Variants in MMP15 observed in about 807,000 individuals in gnomAD.
MMP15 encodes the protein matrix metallopeptidase 15.
A neutral mutation model predicts 65.0 loss-of-function variants in MMP15; 36 were observed. The ratio of observed to expected loss-of-function variants is 0.55; its 90% CI spans 0.42 to 0.73. The LOEUF (loss-of-function observed/expected upper bound fraction) is 0.73, where lower values mean the gene tolerates loss of function less well. Among genes scored for constraint, MMP15 ranks in the 30% least tolerant of loss-of-function variants. MMP15 has a pLI of 0.00. For missense variants in MMP15, 870 were observed against 987.8 expected, an observed-to-expected ratio of 0.88 and a Z score of 1.60; for synonymous variants, 428 against 410.2, an observed-to-expected ratio of 1.04 and a Z score of -0.52.
Position 58,037,487 on chromosome 16 carries a change from T to A in MMP15, c.178T>A (p.Tyr60Asn). Residue 60 changes from tyrosine to asparagine, a missense_variant, in exon 2 of 10, where the codon TAT becomes AAT. Physicochemically the swap from Tyr to Asn is moderately radical, Grantham distance 143 (BLOSUM62 -2). Transcript: ENST00000219271. ...TTCTTTGCAGAACTGGCTGCGGCTT[T>A]ATGGCTACCTGCCTCAGCCCAGCCG... ...EVHAENWLRL[Y>N]GYLPQPSRHM... is the part of the protein sequence containing the mutation. 1 of 1,613,278 alleles carries A rather than the reference T, an allele frequency of 6.2e-7. No individual in the cohort carries two copies. Among genetic ancestry groups the A allele is most frequent in the Non-Finnish European group, 8.5e-7 (1 of 1,179,890 alleles).
In MMP15 at chr16:58,042,231, G is replaced by A. The variant is rs577467217; in HGVS notation, c.1165G>A (p.Gly389Ser). 3 of 1,612,984 alleles carry A rather than the reference G, an allele frequency of 1.9e-6. No homozygotes were observed. The African/African-American group carries it at 4.0e-5, about 22-fold the overall frequency. ...MLRGEMFVFKGRWFWRVRHNR... is the reference protein window; with the variant it reads ...MLRGEMFVFKSRWFWRVRHNR... ...CCCGCTCACACTATGCCCTCCCCAG[G>A]GCCGCTGGTTCTGGCGAGTCCGGCA... The change falls in exon 7 of 10, where the codon GGC becomes AGC. Residue 389 changes from glycine to serine, a missense_variant and splice_region_variant. By Grantham distance (56) the Gly-to-Ser change is moderately conservative (BLOSUM62 0). Coordinates refer to ENST00000219271, the MANE Select transcript of MMP15 (RefSeq NM_002428.4).
At chr16:58,033,844 A>C (rs1293162562) in intron 1 of MMP15, among the ~76,000 whole-genome samples, 1 of 152,254 alleles carries the variant, frequency 6.6e-6, no homozygotes, top group Non-Finnish European at 1.5e-5. Context: ...CAGAAGTTGC[A>C]GTGAACCGAG....
intron 1 of MMP15, among the ~76,000 whole-genome samples, chr16:58,033,154 A>G (rs1038959876): frequency 2.0e-5 from 3 of 152,116 alleles, no homozygotes; most frequent in Non-Finnish European, 1.5e-5. Flanking sequence ...GGGAGGGTGG[A>G]CTGAGATGGC....
At chr16:58,030,403 G>A (rs1311888415) in intron 1 of MMP15, among the ~76,000 whole-genome samples, 1 of 152,222 alleles carries the variant, frequency 6.6e-6, no homozygotes, top group Non-Finnish European at 1.5e-5. Context: ...AGGCCATGGA[G>A]CTGGGCCTGG....
chr16:58,032,203 C>T (rs1201013983), intron 1 of MMP15, among the ~76,000 whole-genome samples: 1 of 152,226 alleles, frequency 6.6e-6, no homozygotes, highest in Non-Finnish European at 1.5e-5. Context: ...GGTAGTTGCG[C>T]CATCGGCGCT....
At position 58,026,036 on chromosome 16, in the gene MMP15, C is replaced by CA. The variant is rs2142320256; in HGVS notation, c.-312dup. 4.1e-6 allele frequency: 1 copy of CA among 245,680 alleles called. No individual in the cohort carries two copies. Among genetic ancestry groups the CA allele is most frequent in the South Asian group, 1.8e-4 (1 of 5,658 alleles). The allele number at this position is 245,680 out of a possible 1,614,324, so 15.2% of individuals were successfully genotyped here. ...CGGGCGGCCGGAGCGCTGAGCCAGACAAAGGCTCCGGAGTTGCGCTTGCTC... is the reference window on the plus strand; with the variant it reads ...CGGGCGGCCGGAGCGCTGAGCCAGACAAAAGGCTCCGGAGTTGCGCTTGCTC... On this transcript the variant is annotated 5_prime_UTR_variant, in exon 1 of 10. Transcript: ENST00000219271.
rs371562829 is a variant in MMP15, at chr16:58,045,176, C to T, written c.1740C>T (p.His580=). ...TGGCCCGGCCGCCCTTCAACCCCCA[C>T]GGGGGTGCAGAGCCCGGGGCGGACA... ...PDVARPPFNP[H]GGAEPGADSA... Residue 580 remains histidine, a synonymous_variant, in exon 10 of 10, where the codon CAC becomes CAT. Coordinates refer to ENST00000219271, the MANE Select transcript of MMP15 (RefSeq NM_002428.4). 1.8e-5 allele frequency: 28 copies of T among 1,593,408 alleles called. No individual in the cohort carries two copies. Among genetic ancestry groups the T allele is most frequent in the Admixed American group, 3.6e-5 (2 of 55,290 alleles).
Position 58,040,978 on chromosome 16 carries a change from G to A in MMP15, c.910+280G>A, listed in dbSNP as rs41513650. ...TGACCCTCCTCTCCTCCTCACCCTT[G>A]GCAGTATTCTTACTAGACCACAAGT... On this transcript the variant is annotated intron_variant, in intron 5 of 9. Transcript: ENST00000219271. 1,449 of 525,784 alleles carry A rather than the reference G, an allele frequency of 2.8e-3. 14 individuals carry two copies. Among genetic ancestry groups the A allele is most frequent in the African/African-American group, 0.025 (1,302 of 52,330 alleles). The allele number at this position is 525,784 out of a possible 1,614,324, so 32.6% of individuals were successfully genotyped here.
chr16:58,042,404 C>T lies in MMP15; in HGVS notation c.1303+35C>T, dbSNP rs770549215. The T allele has an allele frequency of 1.9e-6, 3 of 1,609,132 alleles. No individual in the cohort carries two copies. In the South Asian group the frequency reaches 3.3e-5, roughly 18 times the overall value. ...GGTAGGGTTAGAGGGTTGGGCACGC[C>T]TCCTGCCATGACCTCTGACCCTGCT... is the stretch of plus-strand genomic sequence containing the variant. On this transcript the variant is annotated intron_variant, in intron 7 of 9. Coordinates refer to ENST00000219271, the MANE Select transcript of MMP15 (RefSeq NM_002428.4).
At position 58,026,318 on chromosome 16, in the gene MMP15, G is replaced by A. The variant is rs564836110; in HGVS notation, c.-33G>A. On this transcript the variant is annotated 5_prime_UTR_variant, in exon 1 of 10. Coordinates refer to ENST00000219271, the MANE Select transcript of MMP15 (RefSeq NM_002428.4). ...CAAGGCGCGTGCGAGGATCCGGCGTGCAGTGTTCCGAGCTGGGCTGGGCGC... is the reference window on the plus strand; with the variant it reads ...CAAGGCGCGTGCGAGGATCCGGCGTACAGTGTTCCGAGCTGGGCTGGGCGC... 6 of 1,296,146 alleles carry A rather than the reference G, an allele frequency of 4.6e-6. No individual in the cohort carries two copies. The highest frequency in any genetic ancestry group is 2.3e-5 in the South Asian group (1 of 43,952). The allele number at this position is 1,296,146 out of a possible 1,614,324, so 80.3% of individuals were successfully genotyped here. A position where few individuals can be genotyped will look rare whatever the true frequency, so the allele number is the denominator to read the frequency against.
Position 58,038,260 on chromosome 16 carries a change from T to G in MMP15, c.312-6T>G. The G allele has an allele frequency of 6.2e-7, 1 of 1,613,678 alleles. No homozygotes were observed. Among genetic ancestry groups the G allele is most frequent in the African/African-American group, 1.3e-5 (1 of 75,062 alleles). ...CCGTGCTCACCCCTCTGTGTCCATG[T>G]CCCAGGTGGATGAAGCGGCCCCGCT... is the stretch of plus-strand genomic sequence containing the variant. On this transcript the variant is annotated splice_polypyrimidine_tract_variant and splice_region_variant and intron_variant, in intron 2 of 9. Transcript: ENST00000219271.
chr16:58,041,777 A>G lies in MMP15; in HGVS notation c.1071A>G (p.Arg357=). 6.2e-7 allele frequency: 1 copy of G among 1,610,420 alleles called. No homozygotes were observed. The highest frequency in any genetic ancestry group is 8.5e-7 in the Non-Finnish European group (1 of 1,178,388). Residue 357 remains arginine (R), a synonymous_variant, in exon 6 of 10, where the codon CGA becomes CGG. Transcript: ENST00000219271. The part of the protein sequence containing the change: ...PPKPGPPVQP[R]ATERPDQYGP... ...AGCCGGGCCCCCCAGTCCAGCCCCG[A>G]GCCACAGAGCGGCCCGACCAGTATG...
Position 58,045,518 on chromosome 16 carries a change from C to T in MMP15, c.*72C>T, listed in dbSNP as rs41496151. The T allele has an allele frequency of 9.5e-6, 13 of 1,368,860 alleles. No homozygotes were observed. Among genetic ancestry groups the T allele is most frequent in the African/African-American group, 2.9e-5 (2 of 68,656 alleles). The allele number at this position is 1,368,860 out of a possible 1,614,324, so 84.8% of individuals were successfully genotyped here. On this transcript the variant is annotated 3_prime_UTR_variant, in exon 10 of 10. Transcript: ENST00000219271. ...TGAGATGGCTCCCAGGGGCTCCCTC[C>T]GCCCCCAGGTAGGGGCCCCTCTCAG...
intron 3 of MMP15, among the ~76,000 whole-genome samples, chr16:58,038,805 A>G (rs1959387904): frequency 6.6e-6 from 1 of 152,176 alleles, no homozygotes. Flanking sequence ...CCTCCAGCCA[A>G]GTGTGCCTTG....
Position 58,042,386 on chromosome 16 carries a change from T to C in MMP15, c.1303+17T>C. ...TTTTCAAAGGTGAGCAGAGGTAGGGTTAGAGGGTTGGGCACGCCTCCTGCC... is the reference window on the plus strand; with the variant it reads ...TTTTCAAAGGTGAGCAGAGGTAGGGCTAGAGGGTTGGGCACGCCTCCTGCC... On this transcript the variant is annotated intron_variant, in intron 7 of 9. Coordinates refer to ENST00000219271, the MANE Select transcript of MMP15 (RefSeq NM_002428.4). 4 of 1,610,504 alleles carry C rather than the reference T, an allele frequency of 2.5e-6. No individual in the cohort carries two copies. Among genetic ancestry groups the C allele is most frequent in the South Asian group, 2.2e-5 (2 of 90,888 alleles).
intron 7 of MMP15, among the ~76,000 whole-genome samples, chr16:58,042,838 A>G (rs1275767724): frequency 1.3e-5 from 2 of 152,218 alleles, no homozygotes; most frequent in East Asian, 3.8e-4. Flanking sequence ...AACTAAAAGC[A>G]GGGAGCCCTG....
intron 1 of MMP15, among the ~76,000 whole-genome samples, chr16:58,035,266 G>A (rs1037205930): frequency 6.6e-6 from 1 of 152,226 alleles, no homozygotes; most frequent in South Asian, 2.1e-4. Flanking sequence ...GGGTACCCAC[G>A]ACATTGCCAG....
At chr16:58,037,885 A>G (rs1303390790) in intron 2 of MMP15, among the ~76,000 whole-genome samples, 1 of 152,208 alleles carries the variant, frequency 6.6e-6, no homozygotes, top group Admixed American at 6.5e-5. Flanking sequence ...GGGAGTGTGG[A>G]GGTACAGTAC....
At chr16:58,030,906 G>A (rs1025673228) in intron 1 of MMP15, among the ~76,000 whole-genome samples, 2 of 151,966 alleles carry the variant, frequency 1.3e-5, no homozygotes, top group Non-Finnish European at 2.9e-5. Context: ...ATGGAGTTAC[G>A]GGGAGATTCA....
Sources: allele counts gnomAD v4.1 joint callset (sites outside exome capture counted in the v4.1 genomes callset), GRCh38; gene constraint gnomAD v4.1.1; transcripts MANE v1.5; gene names NCBI Gene and HGNC (gene_info 2026-07-23, HGNC 2026-07-21).